The following UBTD2 variants were observed in gnomAD, a reference collection of about 807,000 sequenced individuals.
UBTD2 encodes the protein ubiquitin domain containing 2, also known as ubiquitin domain-containing protein 2.
In UBTD2, 9 loss-of-function variants were observed where a neutral mutation model predicts 19.8. The ratio of observed to expected loss-of-function variants is 0.46; its 90% CI spans 0.27 to 0.79. The LOEUF (loss-of-function observed/expected upper bound fraction) is 0.79, where lower values mean the gene tolerates loss of function less well. Ranked by LOEUF, UBTD2 falls within the 30% of genes least tolerant of loss-of-function variation. UBTD2 has a pLI of 0.14. For missense variants in UBTD2, 250 were observed against 300.4 expected (o/e 0.83, Z 1.24); for synonymous variants, 98 against 103.9 (o/e 0.94, Z 0.35).
At chr5:172,241,704 A>G (rs1446959662) in intron 1 of UBTD2, among the ~76,000 whole-genome samples, 1 of 152,024 alleles carries the variant, frequency 6.6e-6, no homozygotes, top group East Asian at 1.9e-4. Flanking sequence ...ATGGTAAATA[A>G]AAGTTTTTTT....
At chr5:172,282,394 C>G (rs1755735766) in intron 1 of UBTD2, among the ~76,000 whole-genome samples, 1 of 152,158 alleles carries the variant, frequency 6.6e-6, no homozygotes, top group Non-Finnish European at 1.5e-5. Flanking sequence ...TTTAGTCATA[C>G]AGGATACCCA....
At chr5:172,282,835 T>C (rs1035423494) in intron 1 of UBTD2, among the ~76,000 whole-genome samples, 7 of 152,226 alleles carry the variant, frequency 4.6e-5, no homozygotes, top group Non-Finnish European at 1.0e-4. Context: ...AGAAAACTTT[T>C]AAAGTACTGA....
intron 1 of UBTD2, among the ~76,000 whole-genome samples, chr5:172,270,960 C>G (rs1486531752): frequency 6.6e-6 from 1 of 152,122 alleles, no homozygotes; most frequent in African/African-American, 2.4e-5. Flanking sequence ...TATGGCAATC[C>G]TGTCTTCCCA....
At chr5:172,244,544 C>T (rs533608303) in intron 1 of UBTD2, among the ~76,000 whole-genome samples, 5 of 151,476 alleles carry the variant, frequency 3.3e-5, no homozygotes, top group South Asian at 2.1e-4. Context: ...ATGATCCGCC[C>T]GCCTTAGCCT....
At chr5:172,217,952 A>C (rs1771577293) in intron 2 of UBTD2, among the ~76,000 whole-genome samples, 1 of 152,194 alleles carries the variant, frequency 6.6e-6, no homozygotes. Flanking sequence ...AAAATCAGAA[A>C]TGACATACTT....
At chr5:172,243,119 T>G (rs1772164131) in intron 1 of UBTD2, among the ~76,000 whole-genome samples, 1 of 145,244 alleles carries the variant, frequency 6.9e-6, no homozygotes, top group South Asian at 2.3e-4. Context: ...TCAGCCACCA[T>G]GACTGGCCTT....
chr5:172,227,600 G>GT (rs1174557470), intron 2 of UBTD2, among the ~76,000 whole-genome samples: 1 of 151,050 alleles, frequency 6.6e-6, no homozygotes, highest in Non-Finnish European at 1.5e-5. Context: ...AGCCAGGATG[G>GT]TCTCGATCTC....
chr5:172,227,210 T>C (rs1467907955), intron 2 of UBTD2, among the ~76,000 whole-genome samples: 1 of 152,180 alleles, frequency 6.6e-6, no homozygotes, highest in African/African-American at 2.4e-5. Flanking sequence ...AGACAAGCCT[T>C]CTGACTCAGG....
intron 1 of UBTD2, among the ~76,000 whole-genome samples, chr5:172,265,951 T>C (rs1755370852): frequency 3.3e-5 from 5 of 151,958 alleles, no homozygotes; most frequent in Admixed American, 3.3e-4. Context: ...TTTTCTTTTT[T>C]GAGACAGAGT....
chr5:172,230,358 T>C (rs1487801398), intron 2 of UBTD2, among the ~76,000 whole-genome samples: 2 of 134,524 alleles, frequency 1.5e-5, no homozygotes, highest in Non-Finnish European at 3.2e-5. Context: ...TAGAAAATGA[T>C]CAAAATCTTA....
intron 2 of UBTD2, among the ~76,000 whole-genome samples, chr5:172,233,628 T>C (rs1021420469): frequency 6.6e-6 from 1 of 152,044 alleles, no homozygotes; most frequent in Non-Finnish European, 1.5e-5. Context: ...CTCTTCTAAG[T>C]TTGGGTTTGC....
chr5:172,248,485 G>A (rs1032540884), intron 1 of UBTD2, among the ~76,000 whole-genome samples: 2 of 152,100 alleles, frequency 1.3e-5, no homozygotes, highest in African/African-American at 4.8e-5. Context: ...CTACTCGGGA[G>A]GCTGAGGCAG....
chr5:172,229,208 G>A (rs1771837529), intron 2 of UBTD2, among the ~76,000 whole-genome samples: 1 of 151,838 alleles, frequency 6.6e-6, no homozygotes, highest in African/African-American at 2.4e-5. Context: ...GAGGTTAAGA[G>A]GAGAGCTTTT....
rs963666628 is a variant in UBTD2, at chr5:172,211,587, T to C, written c.*243A>G. 88 of 418,628 alleles carry C rather than the reference T, an allele frequency of 2.1e-4. No homozygotes were observed. The East Asian group carries it at 3.2e-3, about 15-fold the overall frequency. The allele number at this position is 418,628 out of a possible 1,614,324, so 25.9% of individuals were successfully genotyped here. A position where few individuals can be genotyped will look rare whatever the true frequency, so the allele number is the denominator to read the frequency against. Reference sequence around the variant, plus strand: ...GTTCTAAAATAAATGGTTATCTATTTCTTAACTGCCTTTCAAATTAGAAAT... The same window carrying C: ...GTTCTAAAATAAATGGTTATCTATTCCTTAACTGCCTTTCAAATTAGAAAT... On this transcript the variant is annotated 3_prime_UTR_variant, in exon 3 of 3. Coordinates refer to ENST00000393792, the MANE Select transcript of UBTD2 (RefSeq NM_152277.3).
At chr5:172,217,487 TTTC>T (rs1164332353) in intron 2 of UBTD2, among the ~76,000 whole-genome samples, 4 of 152,200 alleles carry the variant, frequency 2.6e-5, no homozygotes, top group Non-Finnish European at 4.4e-5. Context: ...AAAAATTTTT[TTTC>T]TTATTTACTT....
At chr5:172,254,258 C>T (rs1267496596) in intron 1 of UBTD2, among the ~76,000 whole-genome samples, 1 of 152,066 alleles carries the variant, frequency 6.6e-6, no homozygotes, top group African/African-American at 2.4e-5. Flanking sequence ...CGCCACCACG[C>T]CCGGTTAATT....
At chr5:172,273,958 T>C (rs1755554059) in intron 1 of UBTD2, among the ~76,000 whole-genome samples, 1 of 151,992 alleles carries the variant, frequency 6.6e-6, no homozygotes, top group African/African-American at 2.4e-5. Flanking sequence ...TTCTGCTTTG[T>C]ATCATGTAAA....
At chr5:172,244,574 A>G (rs1754824026) in intron 1 of UBTD2, among the ~76,000 whole-genome samples, 1 of 151,932 alleles carries the variant, frequency 6.6e-6, no homozygotes, top group Non-Finnish European at 1.5e-5. Context: ...CAGGGATTAC[A>G]GATGTAAGCC....
chr5:172,246,393 C>T (rs538358831), intron 1 of UBTD2, among the ~76,000 whole-genome samples: 1 of 148,566 alleles, frequency 6.7e-6, no homozygotes, highest in South Asian at 2.1e-4. Context: ...ATATCAGTCA[C>T]TATATGATCT....
Sources: allele counts gnomAD v4.1 joint callset (sites outside exome capture counted in the v4.1 genomes callset), GRCh38; gene constraint gnomAD v4.1.1; transcripts MANE v1.5; gene names NCBI Gene and HGNC (gene_info 2026-07-23, HGNC 2026-07-21).